The following RGS7 variants were observed in gnomAD, a reference collection of about 807,000 sequenced individuals.
RGS7 encodes the protein regulator of G-protein signaling 7.
In RGS7, 27 loss-of-function variants were observed where a neutral mutation model predicts 81.1. The ratio of observed to expected loss-of-function variants is 0.33; its 90% CI spans 0.25 to 0.46. The LOEUF (loss-of-function observed/expected upper bound fraction) is 0.46. Among genes scored for constraint, RGS7 ranks in the 20% least tolerant of loss-of-function variants. The pLI, the probability that RGS7 is intolerant of heterozygous loss-of-function variation, is 1.00. For missense variants in RGS7, 396 were observed against 607.4 expected, an observed-to-expected ratio of 0.65 and a Z score of 3.66; for synonymous variants, 208 against 207.7, an observed-to-expected ratio of 1.00 and a Z score of -0.01.
Position 240,813,673 on chromosome 1 carries a change from C to G in RGS7, c.901G>C (p.Asp301His), listed in dbSNP as rs996793877. The G allele has an allele frequency of 4.3e-6, 7 of 1,613,920 alleles. No homozygotes were observed. Among genetic ancestry groups the G allele is most frequent in the Non-Finnish European group, 4.2e-6 (5 of 1,179,834 alleles). ...TCGGACAGCCATGGGTTAGAAGGGT[C>G]AGGTGGCAAAAGAAACGGGTCGTAT... ...LEYDPFLLPPDPSNPWLSDDT... is the reference protein window; with the variant it reads ...LEYDPFLLPPHPSNPWLSDDT... Residue 301 changes from aspartate (D) to histidine (H), a missense_variant, in exon 13 of 19, where the codon GAC (aspartate) becomes CAC (histidine). By Grantham distance (81) the Asp-to-His change is moderately conservative (BLOSUM62 -1). Transcript: ENST00000440928.
intron 4 of RGS7, among the ~76,000 whole-genome samples, chr1:240,973,721 C>T (rs2148519646): frequency 6.6e-6 from 1 of 151,992 alleles, no homozygotes; most frequent in East Asian, 2.0e-4. Context: ...TCCTGAGTAG[C>T]TGGGACTACA....
At chr1:241,102,820 A>C (rs1471501482) in intron 2 of RGS7, among the ~76,000 whole-genome samples, 2 of 151,934 alleles carry the variant, frequency 1.3e-5, no homozygotes, top group African/African-American at 4.8e-5. Context: ...TGTCTCAATC[A>C]CTCATTTTGG....
At chr1:241,021,450 T>G (rs1453700927) in intron 3 of RGS7, among the ~76,000 whole-genome samples, 1 of 152,206 alleles carries the variant, frequency 6.6e-6, no homozygotes, top group Non-Finnish European at 1.5e-5. Flanking sequence ...TTCTGAGCAT[T>G]TACATGACAT....
At chr1:240,776,276 TTAG>T (rs1398570996) in intron 18 of RGS7, 63 bp from the exon 19 acceptor site, 2 of 1,191,690 alleles carry the variant, frequency 1.7e-6, no homozygotes, top group Non-Finnish European at 2.5e-6. Context: ...GAAAACCTGC[TTAG>T]TAGTAGCAAC....
At chr1:240,998,766 A>G in intron 3 of RGS7, 3 of 731,238 alleles carry the variant, frequency 4.1e-6, no homozygotes, top group South Asian at 4.0e-5. Flanking sequence ...GGCCAGGTAG[A>G]TGCAGGCGAG....
At chr1:240,907,689 T>G (rs1671045813) in intron 6 of RGS7, among the ~76,000 whole-genome samples, 1 of 152,158 alleles carries the variant, frequency 6.6e-6, no homozygotes, top group Non-Finnish European at 1.5e-5. Flanking sequence ...CATCCCACGT[T>G]GAGATAACTT....
At chr1:241,169,346 T>C (rs970187584) in intron 2 of RGS7, among the ~76,000 whole-genome samples, 24 of 131,374 alleles carry the variant, frequency 1.8e-4, no homozygotes, top group Admixed American at 7.7e-4. Context: ...CTTTTTTTTT[T>C]TTTTTTTTTT....
At chr1:241,248,001 T>C (rs2076633268) in intron 2 of RGS7, among the ~76,000 whole-genome samples, 1 of 152,222 alleles carries the variant, frequency 6.6e-6, no homozygotes, top group South Asian at 2.1e-4. Context: ...TCACTTGTTC[T>C]GTAAATTACT....
At chr1:241,071,874 C>CGAAAAAAAAA (rs2062474193) in intron 3 of RGS7, among the ~76,000 whole-genome samples, 1 of 56,856 alleles carries the variant, frequency 1.8e-5, no homozygotes, top group Non-Finnish European at 2.9e-5. Flanking sequence ...GAGACCCTGT[C>CGAAAAAAAAA]AAAAAAAAAA....
chr1:241,329,064 T>C (rs879864660), intron 2 of RGS7, among the ~76,000 whole-genome samples: 3 of 152,242 alleles, frequency 2.0e-5, no homozygotes, highest in Non-Finnish European at 4.4e-5. Context: ...ATTGCTGTTA[T>C]GCACTTGGTA....
At chr1:240,932,513 C>T (rs370626279) in intron 5 of RGS7, among the ~76,000 whole-genome samples, 4,022 of 126,854 alleles carry the variant, frequency 0.032, 135 homozygotes, top group Middle Eastern at 0.051. Flanking sequence ...TAGGGTGTCA[C>T]TTTTTTTTTT....
At chr1:241,275,706 C>G (rs2078158675) in intron 2 of RGS7, among the ~76,000 whole-genome samples, 1 of 152,182 alleles carries the variant, frequency 6.6e-6, no homozygotes, top group Non-Finnish European at 1.5e-5. Context: ...TTTTGAACAA[C>G]AGCTGGGAGA....
intron 2 of RGS7, among the ~76,000 whole-genome samples, chr1:241,198,281 C>A (rs1485851527): frequency 2.6e-5 from 4 of 151,302 alleles, no homozygotes; most frequent in Non-Finnish European, 5.9e-5. Context: ...GCACTAAACT[C>A]AAAAAATCAA....
chr1:240,779,368 T>C (rs1683577839), intron 18 of RGS7, among the ~76,000 whole-genome samples: 1 of 152,080 alleles, frequency 6.6e-6, no homozygotes. Flanking sequence ...TTGGCCAGCC[T>C]GGTCCCAAAC....
chr1:241,045,458 G>A (rs2060873182), intron 3 of RGS7, among the ~76,000 whole-genome samples: 1 of 152,176 alleles, frequency 6.6e-6, no homozygotes, highest in Admixed American at 6.5e-5. Context: ...CCGCCTCCCA[G>A]ATTCAAGAGA....
chr1:241,202,780 G>T (rs1464161976), intron 2 of RGS7, among the ~76,000 whole-genome samples: 1 of 144,744 alleles, frequency 6.9e-6, no homozygotes, highest in Non-Finnish European at 1.5e-5. Context: ...GGGGCAGTTA[G>T]AGTAGTATTT....
intron 2 of RGS7, among the ~76,000 whole-genome samples, chr1:241,251,802 G>A (rs985793475): frequency 7.9e-5 from 12 of 151,816 alleles, no homozygotes; most frequent in Admixed American, 7.2e-4. Flanking sequence ...GAGCCACCAC[G>A]CCTGGCTGGG....
intron 18 of RGS7, among the ~76,000 whole-genome samples, chr1:240,780,519 G>A (rs1170600039): frequency 6.6e-6 from 1 of 151,430 alleles, no homozygotes; most frequent in African/African-American, 2.4e-5. Flanking sequence ...CGTTGTTGAG[G>A]CACAGGAATG....
At chr1:240,848,416 T>C (rs1558347609) in intron 9 of RGS7, among the ~76,000 whole-genome samples, 4 of 152,118 alleles carry the variant, frequency 2.6e-5, no homozygotes, top group African/African-American at 9.7e-5. Context: ...TGCTAATAGA[T>C]AAAACTTGTA....
Sources: gnomAD v4.1 joint callset for allele counts (sites outside exome capture counted in the v4.1 genomes callset) on GRCh38, gnomAD v4.1.1 for gene constraint, MANE v1.5 for transcripts, NCBI Gene and HGNC (gene_info 2026-07-23, HGNC 2026-07-21) for gene names.